The following ADGRL2 variants were observed in gnomAD, a reference collection of about 807,000 sequenced individuals.
ADGRL2 encodes the protein calcium-independent alpha-latrotoxin receptor 2.
In ADGRL2, 44 loss-of-function variants were observed where a neutral mutation model predicts 157.4. That is an observed-to-expected ratio of 0.28 (90% CI 0.22 to 0.36). The LOEUF (loss-of-function observed/expected upper bound fraction) is 0.36. Among genes scored for constraint, ADGRL2 ranks in the 10% least tolerant of loss-of-function variants. The pLI is 1.00. For missense variants in ADGRL2, 1,510 were observed against 1,768.9 expected, an observed-to-expected ratio of 0.85 and a Z score of 2.63; for synonymous variants, 585 against 624.7, an observed-to-expected ratio of 0.94 and a Z score of 0.95.
intron 3 of ADGRL2, among the ~76,000 whole-genome samples, chr1:81,910,583 A>G (rs2148395140): frequency 6.6e-6 from 1 of 150,818 alleles, no homozygotes; most frequent in South Asian, 2.1e-4. Flanking sequence ...GAGAATGGAT[A>G]TCATTTTTTC....
intron 10 of ADGRL2, 138 bp from the exon 11 acceptor site, chr1:81,955,739 G>T: frequency 1.8e-6 from 1 of 567,456 alleles, no homozygotes; most frequent in Non-Finnish European, 3.1e-6. Flanking sequence ...GATATATGTT[G>T]TCTAGGTGTT....
intron 1 of ADGRL2, among the ~76,000 whole-genome samples, chr1:81,703,526 G>T (rs1402624002): frequency 6.6e-6 from 1 of 152,158 alleles, no homozygotes. Flanking sequence ...GAGAGTATGT[G>T]CCAGATGCCT....
intron 3 of ADGRL2, among the ~76,000 whole-genome samples, chr1:81,910,244 C>CAATAGTAATAATAAT (rs2094685782): frequency 7.0e-6 from 1 of 143,056 alleles, no homozygotes; most frequent in Non-Finnish European, 1.5e-5. Context: ...GCCTAAAAAA[C>CAATAGTAATAATAAT]AATAATAATA....
chr1:81,427,020 G>T, intron 1 of ADGRL2: 2 of 1,055,526 alleles, frequency 1.9e-6, no homozygotes, highest in Non-Finnish European at 2.9e-6. Context: ...AAATACCACA[G>T]TTGATAACAT....
chr1:81,669,650 A>G (rs1412962516), intron 3 of ADGRL2, among the ~76,000 whole-genome samples: 1 of 152,180 alleles, frequency 6.6e-6, no homozygotes, highest in Non-Finnish European at 1.5e-5. Context: ...AGCATTTAAA[A>G]GAGGACACCT....
In ADGRL2 at chr1:81,747,531, A is replaced by G. The variant is rs563286604; in HGVS notation, c.-142-14280A>G. ...TCCCCAGGCTGGTCTCAAACTCCTG[A>G]CCTCAGGTGACCCACCAGCCTCGGC... On this transcript the variant is annotated intron_variant, in intron 1 of 20. Coordinates refer to the ADGRL2 transcript ENST00000359929. 3.9e-5 allele frequency among the ~76,000 whole-genome samples: 6 copies of G among 151,988 alleles called. No homozygotes were observed. In the South Asian group the frequency reaches 1.2e-3, roughly 31 times the overall value.
intron 3 of ADGRL2, among the ~76,000 whole-genome samples, chr1:81,912,899 G>A (rs2094765909): frequency 6.6e-6 from 1 of 152,072 alleles, no homozygotes; most frequent in South Asian, 2.1e-4. Context: ...GTAGTACTCT[G>A]GTCACATGGA....
chr1:81,449,854 G>A (rs926562510), intron 2 of ADGRL2, among the ~76,000 whole-genome samples: 1 of 152,122 alleles, frequency 6.6e-6, no homozygotes, highest in Non-Finnish European at 1.5e-5. Flanking sequence ...GCCTCCCAAG[G>A]TGTTGGGATT....
At chr1:81,482,944 T>G (rs192371006) in intron 2 of ADGRL2, among the ~76,000 whole-genome samples, 74 of 152,224 alleles carry the variant, frequency 4.9e-4, no homozygotes, top group Non-Finnish European at 7.9e-4. Flanking sequence ...GTTCACTTTC[T>G]CTTCCATGAC....
At chr1:81,980,609 G>A (rs1661382909) in intron 18 of ADGRL2, among the ~76,000 whole-genome samples, 1 of 151,728 alleles carries the variant, frequency 6.6e-6, no homozygotes, top group African/African-American at 2.4e-5. Context: ...TAATGTGATT[G>A]TAAAAAATAC....
intron 2 of ADGRL2, among the ~76,000 whole-genome samples, chr1:81,774,295 T>C (rs1473862866): frequency 6.6e-6 from 1 of 152,372 alleles, no homozygotes; most frequent in East Asian, 1.9e-4. Context: ...TTATTTGTTT[T>C]ACTTGAAATA....
intron 1 of ADGRL2, among the ~76,000 whole-genome samples, chr1:81,419,213 AT>A (rs2077084381): frequency 6.6e-6 from 1 of 151,876 alleles, no homozygotes; most frequent in African/African-American, 2.4e-5. Context: ...ATTATTATTT[AT>A]TTATTTAGAG....
At chr1:81,760,052 A>T (rs1417418585) in intron 1 of ADGRL2, among the ~76,000 whole-genome samples, 1 of 152,124 alleles carries the variant, frequency 6.6e-6, no homozygotes, top group Non-Finnish European at 1.5e-5. Context: ...AGAGCAAAAA[A>T]AATTCTTTTT....
intron 1 of ADGRL2, among the ~76,000 whole-genome samples, chr1:81,707,029 C>T (rs1016636414): frequency 3.9e-5 from 6 of 152,236 alleles, no homozygotes; most frequent in Non-Finnish European, 4.4e-5. Flanking sequence ...GAAATAGGGA[C>T]TACCTCAAAG....
intron 2 of ADGRL2, among the ~76,000 whole-genome samples, chr1:81,784,088 T>C (rs2086928035): frequency 6.6e-6 from 1 of 152,162 alleles, no homozygotes; most frequent in Admixed American, 6.5e-5. Context: ...CTCAATGAAA[T>C]TCTAAGCTTT....
intron 22 of ADGRL2, 173 bp downstream of exon 22, chr1:81,987,202 T>C: frequency 7.5e-7 from 1 of 1,333,340 alleles, no homozygotes. Context: ...TGCACTATAT[T>C]ATAGTAAAAG....
rs2081981097 is a variant in ADGRL2, at chr1:81,629,907, CT to C, written c.-143+48930del. On this transcript the variant is annotated intron_variant, in intron 3 of 24. Transcript: ENST00000370721. ...TGTCCAGCCTAATTTTTTATTAATC[CT>C]TTATACTAAATCATAATGTAAAATG... Among the ~76,000 whole-genome samples the C allele has an allele frequency of 4.0e-5, 6 of 151,748 alleles. No individual in the cohort carries two copies. In the South Asian group the frequency reaches 1.3e-3, roughly 32 times the overall value.
chr1:81,608,930 C>T (rs2081487138), intron 3 of ADGRL2, among the ~76,000 whole-genome samples: 1 of 152,126 alleles, frequency 6.6e-6, no homozygotes, highest in African/African-American at 2.4e-5. Context: ...CTGGTCAAGA[C>T]TCTGAGAAGA....
At chr1:81,757,578 C>A (rs2085734353) in intron 1 of ADGRL2, among the ~76,000 whole-genome samples, 1 of 152,192 alleles carries the variant, frequency 6.6e-6, no homozygotes, top group South Asian at 2.1e-4. Context: ...AATTTCTGTA[C>A]ATCACTTCCC....
Sources: gnomAD v4.1 joint callset for allele counts (sites outside exome capture counted in the v4.1 genomes callset) on GRCh38, gnomAD v4.1.1 for gene constraint, MANE v1.5 for transcripts, NCBI Gene and HGNC (gene_info 2026-07-23, HGNC 2026-07-21) for gene names.